PRDM16: variants seen among roughly 807,000 people sequenced by gnomAD.
PRDM16 encodes PR/SET domain 16.
In PRDM16, 23 loss-of-function variants were observed where a neutral mutation model predicts 110.6. That is an observed-to-expected ratio of 0.21 (90% CI 0.15 to 0.29). PRDM16 has a LOEUF of 0.29. Ranked by LOEUF, PRDM16 falls within the 10% of genes least tolerant of loss-of-function variation. The pLI is 1.00. For synonymous variants in PRDM16, 799 were observed against 781.8 expected, an observed-to-expected ratio of 1.02 and a Z score of -0.37; for missense variants, 1,615 against 1,794.3, an observed-to-expected ratio of 0.90 and a Z score of 1.81.
chr1:3,242,235 G>A lies in PRDM16; in HGVS notation c.388-1852G>A, dbSNP rs190595264. On this transcript the variant is annotated intron_variant, in intron 2 of 16. Coordinates refer to ENST00000270722, the MANE Select transcript of PRDM16 (RefSeq NM_022114.4). ...TGTCTGCACAGGTGCCTGTGACTCC[G>A]CCGCAAATGCCAGAGAGATACAAAC... 3.3e-5 allele frequency among the ~76,000 whole-genome samples: 5 copies of A among 152,312 alleles called. No individual in the cohort carries two copies. The East Asian group carries it at 5.8e-4, about 18-fold the overall frequency.
chr1:3,311,112 G>A (rs996084387), intron 3 of PRDM16, among the ~76,000 whole-genome samples: 2 of 152,216 alleles, frequency 1.3e-5, no homozygotes, highest in South Asian at 2.1e-4. Flanking sequence ...TTGCCTGTGA[G>A]AGCAGTGAGG....
At chr1:3,103,488 G>A (rs1413260231) in intron 1 of PRDM16, among the ~76,000 whole-genome samples, 1 of 152,104 alleles carries the variant, frequency 6.6e-6, no homozygotes, top group East Asian at 1.9e-4. Flanking sequence ...GCCCTTCCTC[G>A]AAATGTCGTG....
chr1:3,207,412 G>A (rs1375236187), intron 2 of PRDM16: 4 of 152,218 alleles, frequency 2.6e-5, no homozygotes, highest in Admixed American at 2.0e-4. Context: ...GTGTTTCCAC[G>A]GACGGTTTTA....
At chr1:3,259,308 C>A (rs1024958138) in intron 3 of PRDM16, among the ~76,000 whole-genome samples, 2 of 152,202 alleles carry the variant, frequency 1.3e-5, no homozygotes, top group African/African-American at 4.8e-5. Flanking sequence ...GGGGAGACAT[C>A]GCCTGGGCCT....
In PRDM16 at chr1:3,186,196, G is replaced by C; in HGVS notation, c.109G>C (p.Glu37Gln). The C allele has an allele frequency of 2.5e-6, 4 of 1,612,878 alleles. No individual in the cohort carries two copies. In the East Asian group the frequency reaches 6.7e-5, roughly 27 times the overall value. The change falls in exon 2 of 17, where the codon GAG becomes CAG. Residue 37 changes from glutamate (E) to glutamine (Q), a missense_variant. Physicochemically the swap from Glu to Gln is conservative, Grantham distance 29. Around this residue, in one of 5 missense-constraint regions of PRDM16, gnomAD observed 416 missense variants for 467.1 expected, o/e 0.89. Coordinates refer to ENST00000270722, the MANE Select transcript of PRDM16 (RefSeq NM_022114.4). ...DLLASHSAEDEAEDSAMSPIP... is the reference protein window; with the variant it reads ...DLLASHSAEDQAEDSAMSPIP... Reference sequence around the variant, plus strand: ...GCTGGCCAGCCACAGCGCGGAGGACGAGGCCGAGGACAGTGCCATGTCGCC... The same window carrying C: ...GCTGGCCAGCCACAGCGCGGAGGACCAGGCCGAGGACAGTGCCATGTCGCC...
chr1:3,349,187 A>G (rs1224514594), intron 3 of PRDM16, among the ~76,000 whole-genome samples: 1 of 152,200 alleles, frequency 6.6e-6, no homozygotes, highest in South Asian at 2.1e-4. Context: ...CATAGTGCCC[A>G]TGGCCAGGCT....
In PRDM16 at chr1:3,417,936, TCCC is replaced by T. The variant is rs1638315641; in HGVS notation, c.2802_2804del (p.Pro937del). Reference sequence around the variant, plus strand: ...CCCCCACCACCCCTTCAACTTCCGGTCCCCACCCCCAACGCTCTCCGACCCCAT... The same window carrying T: ...CCCCCACCACCCCTTCAACTTCCGGTCACCCCCAACGCTCTCCGACCCCAT... On this transcript the variant is annotated inframe_deletion, in exon 11 of 17. Transcript: ENST00000270722. The T allele has an allele frequency of 1.3e-6, 2 of 1,582,784 alleles. No individual in the cohort carries two copies. The highest frequency in any genetic ancestry group is 8.6e-7 in the Non-Finnish European group (1 of 1,159,954).
chr1:3,416,463 A>G (rs1638264897), intron 10 of PRDM16, among the ~76,000 whole-genome samples: 1 of 152,146 alleles, frequency 6.6e-6, no homozygotes, highest in Non-Finnish European at 1.5e-5. Context: ...CGAGCCCTAT[A>G]TGAAGCCCCT....
chr1:3,091,143 CAG>C (rs1422998039), intron 1 of PRDM16, among the ~76,000 whole-genome samples: 1 of 152,242 alleles, frequency 6.6e-6, no homozygotes, highest in African/African-American at 2.4e-5. Context: ...TGACCGCTAA[CAG>C]GGAGACCAAA....
intron 3 of PRDM16, among the ~76,000 whole-genome samples, chr1:3,268,935 G>T (rs1448171547): frequency 6.6e-6 from 1 of 152,234 alleles, no homozygotes; most frequent in Non-Finnish European, 1.5e-5. Flanking sequence ...TTTACCTGAG[G>T]TGGCCCCATG....
At chr1:3,111,509 GAGA>G (rs955811959) in intron 1 of PRDM16, among the ~76,000 whole-genome samples, 2 of 133,892 alleles carry the variant, frequency 1.5e-5, no homozygotes, top group African/African-American at 6.2e-5. Context: ...GGGAAGACCA[GAGA>G]AGGAGGGGAA....
chr1:3,406,003 C>A (rs1432607430), intron 8 of PRDM16, among the ~76,000 whole-genome samples: 1 of 152,220 alleles, frequency 6.6e-6, no homozygotes, highest in Non-Finnish European at 1.5e-5. Flanking sequence ...ACTCACTCCC[C>A]ACCTGTGCCG....
intron 1 of PRDM16, among the ~76,000 whole-genome samples, chr1:3,158,137 G>A (rs781628467): frequency 5.2e-4 from 79 of 152,094 alleles, no homozygotes; most frequent in African/African-American, 1.3e-3. Flanking sequence ...GGTTGTGCCC[G>A]TTCTGTATTG....
chr1:3,111,001 G>A (rs760198968), intron 1 of PRDM16, among the ~76,000 whole-genome samples: 3 of 152,296 alleles, frequency 2.0e-5, no homozygotes, highest in South Asian at 2.1e-4. Flanking sequence ...GCCTAGCTTC[G>A]TGGGCTGGTG....
chr1:3,215,707 G>A (rs750886271), intron 2 of PRDM16, among the ~76,000 whole-genome samples: 24 of 152,144 alleles, frequency 1.6e-4, no homozygotes, highest in Non-Finnish European at 2.8e-4. Flanking sequence ...AGGGACGGCC[G>A]TGGCCTTCCC....
chr1:3,152,035 G>A (rs1173154571), intron 1 of PRDM16, among the ~76,000 whole-genome samples: 1 of 152,318 alleles, frequency 6.6e-6, no homozygotes, highest in East Asian at 1.9e-4. Flanking sequence ...ACTCGGCCCC[G>A]TGGCACATTG....
At chr1:3,199,309 G>A (rs1296649115) in intron 2 of PRDM16, among the ~76,000 whole-genome samples, 3 of 152,158 alleles carry the variant, frequency 2.0e-5, no homozygotes, top group East Asian at 1.9e-4. Context: ...TGGGGCAGGG[G>A]CACAAAAATA....
intron 2 of PRDM16, among the ~76,000 whole-genome samples, chr1:3,203,781 C>T (rs1638686890): frequency 6.6e-6 from 1 of 152,228 alleles, no homozygotes; most frequent in South Asian, 2.1e-4. Flanking sequence ...TCCCAAGACC[C>T]TGTTTCCAAC....
At position 3,097,720 on chromosome 1, in the gene PRDM16, C is replaced by T. The variant is rs1427837904; in HGVS notation, c.37+28424C>T. 3.3e-5 allele frequency among the ~76,000 whole-genome samples: 5 copies of T among 152,284 alleles called. No individual in the cohort carries two copies. The East Asian group carries it at 7.8e-4, about 24-fold the overall frequency. ...AGGGAGGCAGAGACAGGGGCAGCCA[C>T]AGGGTCTCCCCGAGGCCTGGGAAGG... is the stretch of plus-strand genomic sequence containing the variant. On this transcript the variant is annotated intron_variant, in intron 1 of 16. Transcript: ENST00000270722.
Sources: allele counts gnomAD v4.1 joint callset (sites outside exome capture counted in the v4.1 genomes callset), GRCh38; gene constraint gnomAD v4.1.1; regional missense constraint gnomAD v4.1.1; transcripts MANE v1.5; gene names NCBI Gene and HGNC (gene_info 2026-07-23, HGNC 2026-07-21).